The following ROR2 variants were observed in gnomAD, a reference collection of about 807,000 sequenced individuals.
ROR2 encodes ROR family WNT receptor 2.
ROR2 carries 33 observed loss-of-function variants against 74.9 expected under a neutral mutation model. The ratio of observed to expected loss-of-function variants is 0.44; its 90% confidence interval spans 0.33 to 0.59. ROR2 has a LOEUF of 0.59. Among genes scored for constraint, ROR2 ranks in the 20% least tolerant of loss-of-function variants. The pLI, the probability that ROR2 is intolerant of heterozygous loss-of-function variation, is 0.02. For synonymous variants in ROR2, 586 were observed against 558.7 expected (o/e 1.05, Z -0.69); for missense variants, 1,216 against 1,313.8 (o/e 0.93, Z 1.15).
intron 1 of ROR2, among the ~76,000 whole-genome samples, chr9:91,938,144 A>G (rs1180595688): frequency 6.6e-6 from 1 of 152,314 alleles, no homozygotes; most frequent in East Asian, 1.9e-4. Flanking sequence ...GACCCGAGTT[A>G]GTCTAATATT....
chr9:91,759,488 G>A (rs1032794205), intron 2 of ROR2, among the ~76,000 whole-genome samples: 5 of 152,164 alleles, frequency 3.3e-5, no homozygotes, highest in African/African-American at 1.2e-4. Flanking sequence ...GAATCAGGCA[G>A]GGTAAAGTTC....
At chr9:91,914,948 G>A (rs1831091447) in intron 1 of ROR2, among the ~76,000 whole-genome samples, 1 of 146,854 alleles carries the variant, frequency 6.8e-6, no homozygotes, top group Admixed American at 7.4e-5. Flanking sequence ...CTTTCATATG[G>A]GTAGGTGGGT....
chr9:91,779,543 G>A (rs1191496413), intron 1 of ROR2, among the ~76,000 whole-genome samples: 1 of 151,812 alleles, frequency 6.6e-6, no homozygotes, highest in East Asian at 1.9e-4. Context: ...GCTAATTTTT[G>A]TATTTTTAGT....
intron 4 of ROR2, among the ~76,000 whole-genome samples, chr9:91,744,079 A>G (rs942617178): frequency 7.2e-5 from 11 of 152,222 alleles, no homozygotes; most frequent in African/African-American, 2.7e-4. Flanking sequence ...GAGGCCAGAC[A>G]TAAGAGTCTC....
intron 2 of ROR2, among the ~76,000 whole-genome samples, chr9:91,763,371 A>G (rs1371949139): frequency 6.6e-6 from 1 of 152,172 alleles, no homozygotes; most frequent in Non-Finnish European, 1.5e-5. Flanking sequence ...GTGGTGTCAT[A>G]GAGTCTTGAA....
Position 91,731,006 on chromosome 9 carries a change from C to T in ROR2, c.1087G>A (p.Ala363Thr), listed in dbSNP as rs200192277. Residue 363 changes from alanine (A) to threonine (T), a missense_variant, in exon 7 of 9, where the codon GCC (alanine) becomes ACC (threonine). By Grantham distance (58) the Ala-to-Thr change is moderately conservative. Coordinates refer to ENST00000375708, the MANE Select transcript of ROR2 (RefSeq NM_004560.4). Reference protein sequence around the residue: ...TDFPELGGGHAYCRNPGGQME... With the variant: ...TDFPELGGGHTYCRNPGGQME... ...TGGCCTCCGGGGTTCCGGCAGTAGG[C>T]GTGCCCCCCTCCAAGCTCAGGGAAG... 4.7e-5 allele frequency: 76 copies of T among 1,614,044 alleles called. No homozygotes were observed. The highest frequency in any genetic ancestry group is 3.3e-5 in the Admixed American group (2 of 60,002).
intron 1 of ROR2, among the ~76,000 whole-genome samples, chr9:91,779,351 C>CA (rs1369812991): frequency 6.7e-6 from 1 of 148,528 alleles, no homozygotes; most frequent in Non-Finnish European, 1.5e-5. Flanking sequence ...ATTCTACCTC[C>CA]AAACACTTAT....
chr9:91,859,994 G>A (rs1226702601), intron 1 of ROR2, among the ~76,000 whole-genome samples: 1 of 152,174 alleles, frequency 6.6e-6, no homozygotes, highest in Non-Finnish European at 1.5e-5. Context: ...ACGCTGCTCC[G>A]GATGAGTAAG....
At position 91,763,810 on chromosome 9, in the gene ROR2, G is replaced by C. The variant is rs565756677; in HGVS notation, c.176-6251C>G. On this transcript the variant is annotated intron_variant, in intron 2 of 8. Coordinates refer to ENST00000375708, the MANE Select transcript of ROR2 (RefSeq NM_004560.4). ...TATATCTTATGACATTTTTCTTTTA[G>C]CTATGAGTTATTTAAAGTGTGCTTT... Among the ~76,000 whole-genome samples the C allele has an allele frequency of 3.5e-3, 538 of 152,022 alleles. 2 individuals carry two copies. Among genetic ancestry groups the C allele is most frequent in the Non-Finnish European group, 6.5e-3 (442 of 67,992 alleles).
chr9:91,914,549 C>T (rs186898273), intron 1 of ROR2, among the ~76,000 whole-genome samples: 59 of 152,270 alleles, frequency 3.9e-4, no homozygotes, highest in Admixed American at 2.3e-3. Flanking sequence ...ATCCTCCTGC[C>T]GGTCACCTTG....
rs754261230 is a variant in ROR2, at chr9:91,733,464, C to T, written c.623-28G>A. ...GCAGAGCCCGCGAGACTCGCGTTAG[C>T]GGGGGACCCACCTTGCGCCCTTGAC... On this transcript the variant is annotated intron_variant, in intron 5 of 8. Transcript: ENST00000375708. The surrounding 1 kb of genome is among the most constrained non-coding windows in gnomAD (Gnocchi z 5.7). 9.4e-6 allele frequency: 15 copies of T among 1,600,694 alleles called. No homozygotes were observed. The highest frequency in any genetic ancestry group is 1.7e-4 in the Middle Eastern group (1 of 6,050).
chr9:91,753,289 T>G lies in ROR2; in HGVS notation c.494+2782A>C, dbSNP rs774560168. Among the ~76,000 whole-genome samples the G allele has an allele frequency of 3.7e-4, 57 of 152,316 alleles. 1 individual carries two copies. The highest frequency in any genetic ancestry group is 2.9e-4 in the Non-Finnish European group (20 of 68,032). Reference sequence around the variant, plus strand: ...ATGTAAAGGAAAAATGAGCGAAGAATATGAAGTGGCAATTGACAAAGAGGA... The same window carrying G: ...ATGTAAAGGAAAAATGAGCGAAGAAGATGAAGTGGCAATTGACAAAGAGGA... On this transcript the variant is annotated intron_variant, in intron 4 of 8. Coordinates refer to ENST00000375708, the MANE Select transcript of ROR2 (RefSeq NM_004560.4).
intron 7 of ROR2, among the ~76,000 whole-genome samples, chr9:91,727,426 G>T (rs1234673898): frequency 6.6e-6 from 1 of 151,580 alleles, no homozygotes; most frequent in Non-Finnish European, 1.5e-5. Context: ...AAATCACAGG[G>T]AAAAGTAACT....
intron 2 of ROR2, among the ~76,000 whole-genome samples, chr9:91,773,281 C>T (rs1050089351): frequency 3.3e-5 from 5 of 152,196 alleles, no homozygotes; most frequent in African/African-American, 1.2e-4. Flanking sequence ...GATTCTCGGC[C>T]GTTAATATGG....
chr9:91,766,100 C>G (rs34854279), intron 2 of ROR2, among the ~76,000 whole-genome samples: 34,629 of 152,130 alleles, frequency 0.23, 4,323 homozygotes, highest in Admixed American at 0.32. Context: ...TAAAGCCCTG[C>G]AGGATTTGCT....
chr9:91,798,340 G>A (rs1472835912), intron 1 of ROR2, among the ~76,000 whole-genome samples: 1 of 137,870 alleles, frequency 7.3e-6, no homozygotes, highest in Admixed American at 7.0e-5. Context: ...GGGCTAGTGA[G>A]TGGAGCTGAC....
In ROR2 at chr9:91,730,922, C is replaced by T. The variant is rs201970052; in HGVS notation, c.1171G>A (p.Val391Ile). ...AGAGAATACATACTACACGAGGGTA[C>T]GTCACACAGTTCCATGCGTACGTTT... is the stretch of plus-strand genomic sequence containing the variant. ...NKNVRMELCD[V>I]PSCSPRDSSK... The change falls in exon 7 of 9, where the codon GTA (valine) becomes ATA (isoleucine). Residue 391 changes from valine (V) to isoleucine (I), a missense_variant. Val to Ile is a conservative substitution (Grantham distance 29). Coordinates refer to ENST00000375708, the MANE Select transcript of ROR2 (RefSeq NM_004560.4). The T allele has an allele frequency of 1.2e-5, 20 of 1,614,160 alleles. No individual in the cohort carries two copies. The South Asian group carries it at 1.3e-4, about 11-fold the overall frequency.
At chr9:91,926,259 T>A (rs1339591370) in intron 1 of ROR2, among the ~76,000 whole-genome samples, 1 of 151,108 alleles carries the variant, frequency 6.6e-6, no homozygotes, top group Non-Finnish European at 1.5e-5. Flanking sequence ...GGCGGGCGCC[T>A]GTAGTCCCAG....
intron 2 of ROR2, among the ~76,000 whole-genome samples, chr9:91,767,483 A>G (rs1457072512): frequency 1.3e-5 from 2 of 152,242 alleles, no homozygotes; most frequent in East Asian, 3.8e-4. Context: ...GTCCAGGAAG[A>G]TCAAGAAAAC....
Sources: allele counts gnomAD v4.1 joint callset (sites outside exome capture counted in the v4.1 genomes callset), GRCh38; gene constraint gnomAD v4.1.1; non-coding constraint Gnocchi (gnomAD v3.1); transcripts MANE v1.5; gene names NCBI Gene and HGNC (gene_info 2026-07-23, HGNC 2026-07-21).